The following PTPRM variants were observed in gnomAD, a reference collection of about 807,000 sequenced individuals.
PTPRM encodes receptor-type tyrosine-protein phosphatase mu.
Under a neutral mutation model 186.7 loss-of-function variants are expected in PTPRM, and 47 were observed. The ratio of observed to expected loss-of-function variants is 0.25; its 90% CI spans 0.20 to 0.32. The LOEUF is 0.32. Ranked by LOEUF, PTPRM falls within the 10% of genes least tolerant of loss-of-function variation. PTPRM has a pLI of 1.00. For synonymous variants in PTPRM, 668 were observed against 674.9 expected, an observed-to-expected ratio of 0.99 and a Z score of 0.16; for missense variants, 1,494 against 1,865.0, an observed-to-expected ratio of 0.80 and a Z score of 3.66.
chr18:7,704,342 A>T (rs2040029497), intron 1 of PTPRM, among the ~76,000 whole-genome samples: 1 of 152,128 alleles, frequency 6.6e-6, no homozygotes, highest in South Asian at 2.1e-4. Flanking sequence ...TATTGCCTCA[A>T]TTTCAGAACT....
chr18:8,312,592 C>T (rs1026737148), intron 20 of PTPRM, among the ~76,000 whole-genome samples: 3 of 152,022 alleles, frequency 2.0e-5, no homozygotes, highest in African/African-American at 7.3e-5. Flanking sequence ...TTTTGATGCT[C>T]ACAGTAATCC....
intron 1 of PTPRM, among the ~76,000 whole-genome samples, chr18:7,601,348 G>A (rs2037398227): frequency 1.3e-5 from 2 of 152,336 alleles, no homozygotes; most frequent in South Asian, 2.1e-4. Context: ...CTCCCCCGGT[G>A]CATTAGTTTC....
At chr18:7,593,886 G>A (rs950903909) in intron 1 of PTPRM, among the ~76,000 whole-genome samples, 1 of 152,170 alleles carries the variant, frequency 6.6e-6, no homozygotes. Context: ...CAAATGTGGA[G>A]ACCAAGACTT....
intron 7 of PTPRM, among the ~76,000 whole-genome samples, chr18:8,020,200 TCTCA>T (rs1308864756): frequency 1.3e-5 from 2 of 152,228 alleles, no homozygotes; most frequent in South Asian, 2.1e-4. Flanking sequence ...AAAACTGCAC[TCTCA>T]CTCCAATCTT....
chr18:7,966,692 G>A (rs1189417564), intron 7 of PTPRM, among the ~76,000 whole-genome samples: 4 of 147,562 alleles, frequency 2.7e-5, no homozygotes, highest in Non-Finnish European at 6.1e-5. Context: ...AGAAAGGGGT[G>A]ACGGGCGCAC....
chr18:8,392,396 G>A (rs558027772), intron 31 of PTPRM, among the ~76,000 whole-genome samples: 118 of 152,104 alleles, frequency 7.8e-4, no homozygotes, highest in Non-Finnish European at 1.5e-3. Context: ...AGGCCGGGGC[G>A]GGCAGATCAC....
rs201674995 is a variant in PTPRM, at chr18:8,384,680, C to T, written c.4038C>T (p.Ala1346=). 3.7e-6 allele frequency: 6 copies of T among 1,613,968 alleles called. No individual in the cohort carries two copies. The highest frequency in any genetic ancestry group is 1.7e-5 in the Admixed American group (1 of 59,988). ...GCAGGATATTCCGCATTTACAATGCCGCCAGAGTAAGAGACGGGCCTGTCA... is the reference window on the plus strand; with the variant it reads ...GCAGGATATTCCGCATTTACAATGCTGCCAGAGTAAGAGACGGGCCTGTCA... The part of the protein sequence containing the change: ...IISRIFRIYN[A]ARPQDGYRMV... The change falls in exon 30 of 33, where the codon GCC becomes GCT. Residue 1346 remains alanine, a synonymous_variant. Coordinates refer to ENST00000580170, the MANE Select transcript of PTPRM (RefSeq NM_001105244.2).
chr18:8,280,650 C>T lies in PTPRM; in HGVS notation c.2755-15718C>T, dbSNP rs574772147. Among the ~76,000 whole-genome samples the T allele has an allele frequency of 1.1e-4, 17 of 152,234 alleles. 1 individual carries two copies. The highest frequency in any genetic ancestry group is 6.8e-3 in the Middle Eastern group (2 of 292). ...GTTAAAATTCAGTTCCTTGGTCATC[C>T]CAGCCTCGTTGCAAGTGCTCAATAG... On this transcript the variant is annotated intron_variant, in intron 19 of 32. Coordinates refer to ENST00000580170, the MANE Select transcript of PTPRM (RefSeq NM_001105244.2).
At chr18:7,930,692 A>G (rs2051435457) in intron 5 of PTPRM, among the ~76,000 whole-genome samples, 1 of 152,202 alleles carries the variant, frequency 6.6e-6, no homozygotes, top group African/African-American at 2.4e-5. Flanking sequence ...CGTTAATATC[A>G]AGGTGCCATC....
At chr18:8,146,185 C>T (rs904328308) in intron 14 of PTPRM, among the ~76,000 whole-genome samples, 15 of 152,066 alleles carry the variant, frequency 9.9e-5, no homozygotes, top group African/African-American at 3.4e-4. Flanking sequence ...CATGCCACCA[C>T]GCTAATTTTT....
At chr18:8,305,426 T>G (rs2095211299) in intron 20 of PTPRM, among the ~76,000 whole-genome samples, 1 of 152,242 alleles carries the variant, frequency 6.6e-6, no homozygotes. Context: ...AGCTACTTAC[T>G]AATGATTACT....
chr18:7,602,736 G>C (rs2037433890), intron 1 of PTPRM, among the ~76,000 whole-genome samples: 1 of 150,366 alleles, frequency 6.7e-6, no homozygotes, highest in Non-Finnish European at 1.5e-5. Flanking sequence ...ATTTCTCCTT[G>C]CACTGTGAAC....
intron 1 of PTPRM, among the ~76,000 whole-genome samples, chr18:7,576,996 A>G (rs1197199291): frequency 2.0e-5 from 3 of 152,224 alleles, no homozygotes; most frequent in Non-Finnish European, 4.4e-5. Context: ...TAGTCACTCA[A>G]TAAATATTTG....
At chr18:7,918,155 A>G (rs1375354875) in intron 4 of PTPRM, among the ~76,000 whole-genome samples, 1 of 151,880 alleles carries the variant, frequency 6.6e-6, no homozygotes, top group East Asian at 1.9e-4. Flanking sequence ...GACACTTAGG[A>G]TGACTCCATA....
intron 2 of PTPRM, among the ~76,000 whole-genome samples, chr18:7,783,653 C>T (rs1350976360): frequency 6.6e-6 from 1 of 151,856 alleles, no homozygotes; most frequent in Admixed American, 6.6e-5. Flanking sequence ...CTCACTGCAG[C>T]ATCAAACTTG....
At chr18:8,221,981 CTTTTCT>C (rs1348224341) in intron 14 of PTPRM, among the ~76,000 whole-genome samples, 1 of 152,214 alleles carries the variant, frequency 6.6e-6, no homozygotes, top group Non-Finnish European at 1.5e-5. Context: ...ATGTACCTCA[CTTTTCT>C]TTTTCTGTCC....
chr18:7,762,850 T>C (rs1291044782), intron 1 of PTPRM, among the ~76,000 whole-genome samples: 2 of 152,356 alleles, frequency 1.3e-5, no homozygotes, highest in East Asian at 3.9e-4. Flanking sequence ...GACTTTGTTA[T>C]CCTGTTTCAG....
intron 2 of PTPRM, among the ~76,000 whole-genome samples, chr18:7,827,714 C>T (rs1163999358): frequency 6.6e-6 from 1 of 152,198 alleles, no homozygotes; most frequent in African/African-American, 2.4e-5. Flanking sequence ...TTTATCAAGG[C>T]TACTCGTCAT....
chr18:8,157,492 G>A (rs1411854503), intron 14 of PTPRM, among the ~76,000 whole-genome samples: 2 of 152,156 alleles, frequency 1.3e-5, no homozygotes, highest in East Asian at 3.9e-4. Flanking sequence ...CACGGGATGG[G>A]TCTTTAATTA....
Sources: allele counts gnomAD v4.1 joint callset (sites outside exome capture counted in the v4.1 genomes callset), GRCh38; gene constraint gnomAD v4.1.1; transcripts MANE v1.5; gene names NCBI Gene and HGNC (gene_info 2026-07-23, HGNC 2026-07-21).